The following RPRD2 variants were observed in gnomAD, a reference collection of about 807,000 sequenced individuals.
RPRD2 encodes the protein regulation of nuclear pre-mRNA domain-containing protein 2.
A neutral mutation model predicts 104.4 loss-of-function variants in RPRD2; 12 were observed. That is an observed-to-expected ratio of 0.11 (90% CI 0.07 to 0.19). The LOEUF (loss-of-function observed/expected upper bound fraction) is 0.19. Among genes scored for constraint, RPRD2 ranks in the 10% least tolerant of loss-of-function variants. RPRD2 has a pLI of 1.00. For synonymous variants in RPRD2, 714 were observed against 684.9 expected (o/e 1.04, Z -0.66); for missense variants, 1,543 against 1,790.1 (o/e 0.86, Z 2.49).
intron 1 of RPRD2, among the ~76,000 whole-genome samples, chr1:150,365,946 G>A (rs1410154521): frequency 1.3e-5 from 2 of 152,156 alleles, no homozygotes; most frequent in African/African-American, 4.8e-5. Flanking sequence ...TTGATCTCAT[G>A]GGTAATGTGC....
At chr1:150,365,817 C>G (rs781928135) in intron 1 of RPRD2, among the ~76,000 whole-genome samples, 3 of 152,066 alleles carry the variant, frequency 2.0e-5, no homozygotes, top group Non-Finnish European at 2.9e-5. Flanking sequence ...TCTCGAACTC[C>G]CGACCTCAGG....
intron 1 of RPRD2, 130 bp downstream of exon 1, chr1:150,365,049 A>G: frequency 4.7e-6 from 4 of 845,438 alleles, no homozygotes; most frequent in South Asian, 1.8e-5. Context: ...GTTTGACCCC[A>G]GTGGTCCCAA....
intron 1 of RPRD2, among the ~76,000 whole-genome samples, chr1:150,370,855 C>T (rs1415504269): frequency 1.3e-5 from 2 of 152,128 alleles, no homozygotes; most frequent in Non-Finnish European, 2.9e-5. Context: ...AGATTACAGG[C>T]ATGAGCCACC....
intron 1 of RPRD2, among the ~76,000 whole-genome samples, chr1:150,385,972 TAAA>T (rs1661533689): frequency 6.6e-6 from 1 of 152,016 alleles, no homozygotes; most frequent in African/African-American, 2.4e-5. Context: ...AGTTGAGTAA[TAAA>T]TCGTAGGTAA....
intron 2 of RPRD2, among the ~76,000 whole-genome samples, chr1:150,433,488 A>G (rs1320542303): frequency 1.7e-5 from 2 of 117,506 alleles, no homozygotes; most frequent in African/African-American, 3.4e-5. Flanking sequence ...TCTGTCACCC[A>G]GGCTGGAGTG....
rs1434332687 is a variant in RPRD2 at position 150,444,338 on chromosome 1, G to T, written c.655G>T (p.Val219Leu). ...GGAAAAGCAGTTGTCAACTATGAGG[G>T]TGGATGTGTGCAGCACAGAAACTCT... is the stretch of plus-strand genomic sequence containing the variant. ...LKEKQLSTMR[V>L]DVCSTETLKC... is the part of the protein sequence containing the mutation. Residue 219 changes from valine (V) to leucine (L), a missense_variant, in exon 6 of 11, where the codon GTG (valine) becomes TTG (leucine). Around this residue, in one of 4 missense-constraint regions of RPRD2, gnomAD observed 572 missense variants for 787.3 expected, o/e 0.73. Coordinates refer to ENST00000369068, the MANE Select transcript of RPRD2 (RefSeq NM_015203.5). 1 of 1,613,782 alleles carries T rather than the reference G, an allele frequency of 6.2e-7. No individual in the cohort carries two copies. The highest frequency in any genetic ancestry group is 1.3e-5 in the African/African-American group (1 of 74,914).
At chr1:150,467,550 T>C (rs1668357693) in intron 10 of RPRD2, among the ~76,000 whole-genome samples, 5 of 151,926 alleles carry the variant, frequency 3.3e-5, no homozygotes, top group Admixed American at 2.6e-4. Context: ...ATTTTTGTAT[T>C]TTTAGTAGAC....
At chr1:150,417,420 C>T (rs1241324258) in intron 1 of RPRD2, among the ~76,000 whole-genome samples, 176 bp from the exon 2 acceptor site, 9 of 151,916 alleles carry the variant, frequency 5.9e-5, no homozygotes, top group Non-Finnish European at 1.0e-4. Context: ...GTTCATTTGT[C>T]GGTTTATCCA....
intron 1 of RPRD2, among the ~76,000 whole-genome samples, chr1:150,385,473 T>TTAAA (rs1234129267): frequency 6.6e-6 from 1 of 152,178 alleles, no homozygotes; most frequent in African/African-American, 2.4e-5. Flanking sequence ...GATCCTGCCT[T>TTAAA]TAAATAAATA....
intron 2 of RPRD2, among the ~76,000 whole-genome samples, chr1:150,438,794 G>C (rs587676412): frequency 6.6e-6 from 1 of 152,164 alleles, no homozygotes; most frequent in African/African-American, 2.4e-5. Flanking sequence ...GCATGTCACT[G>C]TATTGAATAC....
chr1:150,472,990 G>T lies in RPRD2; in HGVS notation c.4042G>T (p.Asp1348Tyr). 6.2e-7 allele frequency: 1 copy of T among 1,613,984 alleles called. No homozygotes were observed. The highest frequency in any genetic ancestry group is 8.5e-7 in the Non-Finnish European group (1 of 1,179,886). ...EHFGVLPGPRDHGGPTQRDLN... is the reference protein window; with the variant it reads ...EHFGVLPGPRYHGGPTQRDLN... ...TTTTGGGGTACTCCCAGGACCCAGG[G>T]ACCACGGGGGCCCCACCCAACGGGA... The change falls in exon 11 of 11, where the codon GAC (aspartate) becomes TAC (tyrosine). Residue 1348 changes from aspartate to tyrosine, a missense_variant. Coordinates refer to ENST00000369068, the MANE Select transcript of RPRD2 (RefSeq NM_015203.5).
Position 150,417,245 on chromosome 1 carries a change from C to CT in RPRD2, c.206-342dup, listed in dbSNP as rs36078205. 5.7e-4 allele frequency among the ~76,000 whole-genome samples: 85 copies of CT among 150,274 alleles called. No individual in the cohort carries two copies. In the South Asian group the frequency reaches 0.015, roughly 27 times the overall value. ...TTTAGCTTCTCCAGAGTTACTGGGT[C>CT]TTTTTTTTTAGTGCCAAACATCTAC... On this transcript the variant is annotated intron_variant, in intron 1 of 10. Coordinates refer to ENST00000369068, the MANE Select transcript of RPRD2 (RefSeq NM_015203.5).
At chr1:150,379,321 G>C (rs1345848701) in intron 1 of RPRD2, among the ~76,000 whole-genome samples, 1 of 151,840 alleles carries the variant, frequency 6.6e-6, no homozygotes, top group East Asian at 1.9e-4. Flanking sequence ...ATAATTTATT[G>C]ATTGTAATGG....
intron 1 of RPRD2, among the ~76,000 whole-genome samples, chr1:150,412,940 T>C (rs1553887938): frequency 6.6e-6 from 1 of 152,070 alleles, no homozygotes; most frequent in Non-Finnish European, 1.5e-5. Context: ...CTGTGGGTTT[T>C]TTGTTTTCTC....
At chr1:150,442,688 A>C (rs1666487490) in intron 4 of RPRD2, among the ~76,000 whole-genome samples, 1 of 152,240 alleles carries the variant, frequency 6.6e-6, no homozygotes, top group Admixed American at 6.5e-5. Flanking sequence ...CATAAGTTGC[A>C]TGCTTAGGAA....
chr1:150,461,121 G>C (rs182266024), intron 9 of RPRD2, among the ~76,000 whole-genome samples: 51 of 152,044 alleles, frequency 3.4e-4, no homozygotes, highest in African/African-American at 1.1e-3. Flanking sequence ...TAGGCCAGGC[G>C]TGGTGGCTCA....
rs774201189 is a variant in RPRD2 at position 150,473,284 on chromosome 1, G to A, written c.4336G>A (p.Gly1446Ser). 5.0e-6 allele frequency: 8 copies of A among 1,613,726 alleles called. No homozygotes were observed. In the Admixed American group the frequency reaches 1.2e-4, roughly 24 times the overall value. ...GAGACCCAGGCCACCTTTTGCTAGG[G>A]GCCCTCCGTTCTTTGCACCAAAACG... ...LKRPRPPFAR[G>S]PPFFAPKRPF... The change falls in exon 11 of 11, where the codon GGC becomes AGC. Residue 1446 changes from glycine (G) to serine (S), a missense_variant. Physicochemically the swap from Gly to Ser is moderately conservative, Grantham distance 56. Transcript: ENST00000369068.
At chr1:150,452,025 C>T (rs1481945015) in intron 7 of RPRD2, among the ~76,000 whole-genome samples, 3 of 151,434 alleles carry the variant, frequency 2.0e-5, no homozygotes, top group Non-Finnish European at 4.4e-5. Flanking sequence ...GCCTGTAATC[C>T]CAGCTACTTG....
At position 150,473,245 on chromosome 1, in the gene RPRD2, T is replaced by C. The variant is rs370858831; in HGVS notation, c.4297T>C (p.Phe1433Leu). The C allele has an allele frequency of 2.5e-6, 4 of 1,613,892 alleles. No individual in the cohort carries two copies. The highest frequency in any genetic ancestry group is 1.7e-4 in the Middle Eastern group (1 of 6,056). The change falls in exon 11 of 11, where the codon TTT becomes CTT. Residue 1433 changes from phenylalanine (F) to leucine (L), a missense_variant. This residue lies in a region of RPRD2 where 880 missense variants were observed against 885.6 expected (regional missense o/e 0.99). Transcript: ENST00000369068. ...GGAACCTTTTCTCAGCAGAGACCCA[T>C]TTCACAGTTTAAAGAGACCCAGGCC... ...PREPFLSRDP[F>L]HSLKRPRPPF...
Sources: gnomAD v4.1 joint callset for allele counts (sites outside exome capture counted in the v4.1 genomes callset) on GRCh38, gnomAD v4.1.1 for gene constraint, gnomAD v4.1.1 regional missense constraint, MANE v1.5 for transcripts, NCBI Gene and HGNC (gene_info 2026-07-23, HGNC 2026-07-21) for gene names.